Variants in DSC3 observed in about 807,000 individuals in gnomAD.
DSC3 encodes desmocollin 3.
In DSC3, 97 loss-of-function variants were observed where a neutral mutation model predicts 89.5. That is an observed-to-expected ratio of 1.08 (90% confidence interval 0.92 to 1.28). The LOEUF (loss-of-function observed/expected upper bound fraction) is 1.28, where lower values mean the gene tolerates loss of function less well. Among genes scored for constraint, DSC3 ranks in the 50% most tolerant of loss-of-function variants. The pLI is 0.00. For missense variants in DSC3, 1,199 were observed against 1,085.3 expected (o/e 1.10, Z -1.47); for synonymous variants, 436 against 384.1 (o/e 1.14, Z -1.58).
chr18:31,005,536 C>T (rs1598602969), intron 12 of DSC3, among the ~76,000 whole-genome samples: 1 of 152,170 alleles, frequency 6.6e-6, no homozygotes, highest in African/African-American at 2.4e-5. Context: ...CCCTTCCTTC[C>T]ACCCAACCTC....
chr18:31,019,053 T>G lies in DSC3; in HGVS notation c.943-253A>C, dbSNP rs1047185840. Among the ~76,000 whole-genome samples the G allele has an allele frequency of 2.0e-5, 3 of 152,060 alleles. No homozygotes were observed. The South Asian group carries it at 6.2e-4, about 32-fold the overall frequency. ...TAAGTAACAGGTAATAGCGAAAAGG[T>G]TTTTGGAAGTCATAGGGGCAGCACA... On this transcript the variant is annotated intron_variant, in intron 7 of 15. Coordinates refer to ENST00000360428, the MANE Select transcript of DSC3 (RefSeq NM_001941.5).
intron 13 of DSC3, among the ~76,000 whole-genome samples, chr18:31,002,813 T>A (rs1472138218): frequency 6.6e-6 from 1 of 152,166 alleles, no homozygotes; most frequent in Non-Finnish European, 1.5e-5. Flanking sequence ...AATTCACATA[T>A]TTTTATAGCA....
chr18:31,035,740 T>C (rs1373380449), intron 1 of DSC3, among the ~76,000 whole-genome samples: 2 of 152,142 alleles, frequency 1.3e-5, no homozygotes, highest in Non-Finnish European at 2.9e-5. Flanking sequence ...TTGCAATTTT[T>C]GTTCTATTTT....
Position 31,025,904 on chromosome 18 carries a change from A to G in DSC3, c.486T>C (p.Asp162=). The G allele has an allele frequency of 6.2e-7, 1 of 1,612,300 alleles. No individual in the cohort carries two copies. Among genetic ancestry groups the G allele is most frequent in the Non-Finnish European group, 8.5e-7 (1 of 1,179,036 alleles). The change falls in exon 5 of 16, where the codon GAT becomes GAC. Residue 162 remains aspartate (D), a synonymous_variant. Transcript: ENST00000360428. ...AGAAGACAGTATAGTTCTGTGCTGC[A>G]TCAGATTCAACCTAAAAGTAGAAAA... ...FPLFLQQVES[D]AAQNYTVFYS...
In DSC3 at chr18:31,018,211, G is replaced by C; in HGVS notation, c.1123C>G (p.Arg375Gly). The change falls in exon 9 of 16, where the codon CGA becomes GGA. Residue 375 changes from arginine (R) to glycine (G), a missense_variant. Transcript: ENST00000360428. ...EENAFNVEIL[R>G]IPIEDKDLIN... ...AAATCCTTATCTTCTATAGGTATTC[G>C]TAAGATTTCCACATTGAATGCATTT... The C allele has an allele frequency of 1.9e-6, 3 of 1,611,562 alleles. No homozygotes were observed. The highest frequency in any genetic ancestry group is 2.5e-6 in the Non-Finnish European group (3 of 1,178,836).
intron 15 of DSC3, among the ~76,000 whole-genome samples, chr18:30,995,425 G>C (rs901880037): frequency 6.6e-6 from 1 of 152,122 alleles, no homozygotes. Flanking sequence ...CCCTATACCA[G>C]AGTATCACCC....
At chr18:31,006,164 A>G in intron 12 of DSC3, among the ~76,000 whole-genome samples, 1 of 152,080 alleles carries the variant, frequency 6.6e-6, no homozygotes, top group Non-Finnish European at 1.5e-5. Flanking sequence ...ATCCCTTGCT[A>G]TATCCCGCCA....
chr18:31,014,257 A>C (rs1985163284), intron 9 of DSC3, among the ~76,000 whole-genome samples: 1 of 152,044 alleles, frequency 6.6e-6, no homozygotes, highest in South Asian at 2.1e-4. Flanking sequence ...TGTATATATA[A>C]TGAACTCAAG....
chr18:31,001,787 A>C (rs1984674023), intron 13 of DSC3, 48 bp from the exon 14 acceptor site: 1 of 1,404,370 alleles, frequency 7.1e-7, no homozygotes, highest in African/African-American at 1.5e-5. Context: ...CATACATAGA[A>C]TAAAATAATC....
Position 31,036,883 on chromosome 18 carries a change from C to T in DSC3, c.70-4607G>A, listed in dbSNP as rs193248682. Among the ~76,000 whole-genome samples, 315 of 144,716 alleles carry T rather than the reference C, an allele frequency of 2.2e-3. 1 individual carries two copies. The highest frequency in any genetic ancestry group is 7.5e-3 in the African/African-American group (293 of 39,152). The allele number at this position is 144,716 out of a possible 152,430, so 94.9% of individuals were successfully genotyped here. A position where few individuals can be genotyped will look rare whatever the true frequency, so the allele number is the denominator to read the frequency against. ...TCTCAGCTCACTGAAACATCTGCCT[C>T]CTAGGTTCAAGCAATTCTCCTGCCT... On this transcript the variant is annotated intron_variant, in intron 1 of 15. Transcript: ENST00000360428.
At chr18:31,019,636 A>C (rs1462579858) in intron 7 of DSC3, among the ~76,000 whole-genome samples, 1 of 152,146 alleles carries the variant, frequency 6.6e-6, no homozygotes, top group Admixed American at 6.5e-5. Context: ...CTACAAAAAA[A>C]TAAAAATTTA....
Position 30,989,970 on chromosome 18 carries a change from A to C in DSC3, c.*4205T>G, listed in dbSNP as rs1598590221. Reference sequence around the variant, plus strand: ...CAATGTTCATTGTGAAAAAATCAACACAGAAAGAATAAATTATCAATTCCA... The same window carrying C: ...CAATGTTCATTGTGAAAAAATCAACCCAGAAAGAATAAATTATCAATTCCA... On this transcript the variant is annotated 3_prime_UTR_variant, in exon 16 of 16. Coordinates refer to ENST00000360428, the MANE Select transcript of DSC3 (RefSeq NM_001941.5). 1 of 152,408 alleles carries C rather than the reference A, an allele frequency of 6.6e-6. No individual in the cohort carries two copies. The highest frequency in any genetic ancestry group is 1.9e-4 in the East Asian group (1 of 5,188). 9.4% of individuals were successfully genotyped at this position (152,408 alleles called of 1,614,324 possible).
chr18:31,033,057 T>C (rs1402177202), intron 1 of DSC3, among the ~76,000 whole-genome samples: 1 of 152,012 alleles, frequency 6.6e-6, no homozygotes, highest in Non-Finnish European at 1.5e-5. Context: ...AGCAAAAAAA[T>C]TGATTTGTAG....
chr18:31,022,614 T>C, intron 6 of DSC3, 112 bp from the exon 7 acceptor site: 3 of 1,253,026 alleles, frequency 2.4e-6, no homozygotes, highest in Non-Finnish European at 3.4e-6. Context: ...TAATCTAAAA[T>C]GTATTTATTA....
At chr18:31,000,969 CTTTTGTGTATATATATATA>C (rs1451436267) in intron 14 of DSC3, among the ~76,000 whole-genome samples, 15 of 149,276 alleles carry the variant, frequency 1.0e-4, no homozygotes, top group Middle Eastern at 3.5e-3. Context: ...CTTGTAAGTA[CTTTTGTGTATATATATATA>C]TTTTGTGTAC....
At chr18:30,995,214 A>G (rs1984414504) in intron 15 of DSC3, among the ~76,000 whole-genome samples, 1 of 152,130 alleles carries the variant, frequency 6.6e-6, no homozygotes, top group African/African-American at 2.4e-5. Flanking sequence ...GTTCATTGGC[A>G]TGGCTTACGT....
In DSC3 at chr18:30,990,476, A is replaced by G. The variant is rs1984197092; in HGVS notation, c.*3699T>C. The G allele has an allele frequency of 6.6e-6, 1 of 152,252 alleles. No homozygotes were observed. The highest frequency in any genetic ancestry group is 6.5e-5 in the Admixed American group (1 of 15,286). The allele number at this position is 152,252 out of a possible 1,614,324, so 9.4% of individuals were successfully genotyped here. A position where few individuals can be genotyped will look rare whatever the true frequency, so the allele number is the denominator to read the frequency against. ...TACAATAGAAGTTACTGGAATTGAA[A>G]TTTTGGTTCAACCTATATTAAAATG... On this transcript the variant is annotated 3_prime_UTR_variant, in exon 16 of 16. Coordinates refer to ENST00000360428, the MANE Select transcript of DSC3 (RefSeq NM_001941.5).
intron 1 of DSC3, among the ~76,000 whole-genome samples, chr18:31,034,303 G>C (rs950784113): frequency 2.6e-5 from 4 of 152,124 alleles, no homozygotes; most frequent in African/African-American, 9.7e-5. Flanking sequence ...ACATCATTAG[G>C]TTTTAGGGAA....
At chr18:31,005,155 A>T (rs954090883) in intron 12 of DSC3, among the ~76,000 whole-genome samples, 3 of 152,170 alleles carry the variant, frequency 2.0e-5, no homozygotes, top group African/African-American at 7.2e-5. Flanking sequence ...AATTTCAAAG[A>T]TTTTGGCTGC....
Sources: gnomAD v4.1 joint callset for allele counts (sites outside exome capture counted in the v4.1 genomes callset) on GRCh38, gnomAD v4.1.1 for gene constraint, MANE v1.5 for transcripts, NCBI Gene and HGNC (gene_info 2026-07-23, HGNC 2026-07-21) for gene names.